FAM193A: variants seen among roughly 807,000 people sequenced by gnomAD.
FAM193A encodes the protein family with sequence similarity 193 member A.
A neutral mutation model predicts 126.5 loss-of-function variants in FAM193A; 22 were observed. The ratio of observed to expected loss-of-function variants is 0.17; its 90% CI spans 0.12 to 0.25. The LOEUF (loss-of-function observed/expected upper bound fraction) is 0.25, where lower values mean the gene tolerates loss of function less well. Among genes scored for constraint, FAM193A ranks in the 10% least tolerant of loss-of-function variants. The pLI is 1.00. For missense variants in FAM193A, 1,675 were observed against 1,672.8 expected, an observed-to-expected ratio of 1.00 and a Z score of -0.02; for synonymous variants, 761 against 646.8, an observed-to-expected ratio of 1.18 and a Z score of -2.68.
intron 1 of FAM193A, among the ~76,000 whole-genome samples, chr4:2,541,468 A>T (rs1377505208): frequency 7.1e-6 from 1 of 141,620 alleles, no homozygotes; most frequent in Non-Finnish European, 1.5e-5. Context: ...TTTTTTTGAG[A>T]CAGAGTCTCG....
intron 1 of FAM193A, among the ~76,000 whole-genome samples, chr4:2,592,624 G>T (rs1006085132): frequency 6.6e-6 from 1 of 152,222 alleles, no homozygotes; most frequent in Admixed American, 6.5e-5. Flanking sequence ...CCTGGAGAGA[G>T]TCTGAAGGCT....
chr4:2,639,432 G>A (rs1350842049), intron 5 of FAM193A, among the ~76,000 whole-genome samples: 1 of 152,020 alleles, frequency 6.6e-6, no homozygotes, highest in Non-Finnish European at 1.5e-5. Flanking sequence ...ACTCTCAAAC[G>A]TGCAGTTACT....
intron 20 of FAM193A, among the ~76,000 whole-genome samples, chr4:2,719,615 C>T (rs553815699): frequency 3.5e-4 from 53 of 151,702 alleles, no homozygotes; most frequent in Non-Finnish European, 7.1e-4. Context: ...CATCGTAGCG[C>T]ATGCCTGTAA....
intron 12 of FAM193A, among the ~76,000 whole-genome samples, chr4:2,667,681 A>G (rs1366774146): frequency 1.3e-5 from 2 of 152,112 alleles, no homozygotes; most frequent in Non-Finnish European, 2.9e-5. Flanking sequence ...GTGTCTTTGA[A>G]TCTAAAATTT....
In FAM193A at chr4:2,697,368, C is replaced by T. The variant is rs144572747; in HGVS notation, c.3507+775C>T. On this transcript the variant is annotated intron_variant, in intron 18 of 20. Coordinates refer to ENST00000637812, the MANE Select transcript of FAM193A (RefSeq NM_001366318.2). ...GAGACTGTCTCAAAAAAAAAGACAA[C>T]TTTTTTCTCTTGGAGGATTGTCTAA... Among the ~76,000 whole-genome samples the T allele has an allele frequency of 1.4e-4, 22 of 152,180 alleles. No individual in the cohort carries two copies. The East Asian group carries it at 4.3e-3, about 29-fold the overall frequency.
At chr4:2,710,899 T>G (rs1718882193) in intron 19 of FAM193A, among the ~76,000 whole-genome samples, 1 of 148,342 alleles carries the variant, frequency 6.7e-6, no homozygotes, top group East Asian at 2.0e-4. Context: ...TCGCCCAGGC[T>G]GGAGTGCAGT....
At chr4:2,545,865 T>G (rs1418567409) in intron 1 of FAM193A, among the ~76,000 whole-genome samples, 3 of 151,886 alleles carry the variant, frequency 2.0e-5, no homozygotes, top group Non-Finnish European at 4.4e-5. Flanking sequence ...AACAAAAATT[T>G]AAGGCCAGGT....
chr4:2,657,032 T>G (rs941861078), intron 7 of FAM193A, among the ~76,000 whole-genome samples: 7 of 152,110 alleles, frequency 4.6e-5, no homozygotes, highest in South Asian at 2.1e-4. Flanking sequence ...CTGGGCGTGG[T>G]GGCGGGCACC....
chr4:2,696,612 C>A lies in FAM193A; in HGVS notation c.3507+19C>A, dbSNP rs368890722. ...AAGGAAGGCAAGTGACAGTTCTCAG[C>A]ACCTGGAGGCGCCAGGTCTGAGGGC... On this transcript the variant is annotated intron_variant, in intron 18 of 20. Transcript: ENST00000637812. 3 of 1,591,308 alleles carry A rather than the reference C, an allele frequency of 1.9e-6. No individual in the cohort carries two copies. The highest frequency in any genetic ancestry group is 2.6e-6 in the Non-Finnish European group (3 of 1,159,888).
intron 2 of FAM193A, among the ~76,000 whole-genome samples, chr4:2,618,154 C>G (rs1244087376): frequency 6.6e-6 from 1 of 152,134 alleles, no homozygotes; most frequent in African/African-American, 2.4e-5. Flanking sequence ...CCTCTCTGTG[C>G]TTCTGAGATT....
At chr4:2,550,942 A>C (rs1099763) in intron 1 of FAM193A, among the ~76,000 whole-genome samples, 4,650 of 152,102 alleles carry the variant, frequency 0.031, 114 homozygotes, top group Non-Finnish European at 0.043. Flanking sequence ...CTGGGACTGC[A>C]GGCGTCCGCC....
intron 5 of FAM193A, 110 bp from the exon 6 acceptor site, chr4:2,639,625 G>A: frequency 1.3e-6 from 1 of 754,610 alleles, no homozygotes; most frequent in South Asian, 1.7e-5. Context: ...GAAGAGGGAT[G>A]TGTGCGTGGT....
At chr4:2,680,091 C>T (rs1187565179) in intron 13 of FAM193A, among the ~76,000 whole-genome samples, 1 of 152,038 alleles carries the variant, frequency 6.6e-6, no homozygotes, top group Non-Finnish European at 1.5e-5. Context: ...AAACTCCTGA[C>T]CTCAGGTTAT....
At chr4:2,689,444 C>G (rs1716111207) in intron 13 of FAM193A, 62 bp from the exon 14 acceptor site, 1 of 1,253,006 alleles carries the variant, frequency 8.0e-7, no homozygotes, top group Non-Finnish European at 1.1e-6. Context: ...TGTAGTTTAA[C>G]TACTTACCTA....
intron 1 of FAM193A, among the ~76,000 whole-genome samples, chr4:2,555,867 C>T (rs1021622069): frequency 5.9e-5 from 9 of 151,688 alleles, no homozygotes; most frequent in South Asian, 2.1e-4. Flanking sequence ...CCACCTGCCT[C>T]GGCCTCCCAA....
At chr4:2,693,914 A>C (rs1207706120) in intron 16 of FAM193A, 40 bp downstream of exon 16, 2 of 1,585,566 alleles carry the variant, frequency 1.3e-6, no homozygotes, top group Admixed American at 1.7e-5. Flanking sequence ...AGCACTTTGG[A>C]AAATGGGTGT....
intron 7 of FAM193A, among the ~76,000 whole-genome samples, chr4:2,657,369 G>GT (rs1711835276): frequency 6.6e-6 from 1 of 151,858 alleles, no homozygotes; most frequent in South Asian, 2.1e-4. Flanking sequence ...TGTTAGTTTT[G>GT]TTTTGCTTTG....
intron 19 of FAM193A, among the ~76,000 whole-genome samples, chr4:2,700,879 C>A (rs1442939147): frequency 6.6e-6 from 1 of 152,082 alleles, no homozygotes; most frequent in Non-Finnish European, 1.5e-5. Context: ...GCAGGAGAAT[C>A]GCTTGAACCC....
chr4:2,684,617 C>T (rs116535588), intron 13 of FAM193A, among the ~76,000 whole-genome samples: 4,610 of 152,268 alleles, frequency 0.03, 114 homozygotes, highest in Middle Eastern at 0.1. Context: ...GTGGATGCTT[C>T]CCTGTGAGGG....
Sources: gnomAD v4.1 joint callset for allele counts (sites outside exome capture counted in the v4.1 genomes callset) on GRCh38, gnomAD v4.1.1 for gene constraint, MANE v1.5 for transcripts, NCBI Gene and HGNC (gene_info 2026-07-23, HGNC 2026-07-21) for gene names.